The following CFAP70 variants were observed in gnomAD, a reference collection of about 807,000 sequenced individuals.
CFAP70 encodes cilia and flagella associated protein 70, also known as cilia- and flagella-associated protein 70.
In CFAP70, 81 loss-of-function variants were observed where a neutral mutation model predicts 137.6. The ratio of observed to expected loss-of-function variants is 0.59; its 90% CI spans 0.49 to 0.71. The LOEUF (loss-of-function observed/expected upper bound fraction) is 0.71, where lower values mean the gene tolerates loss of function less well. CFAP70 is among the 30% of genes least tolerant of loss of function. The pLI, the probability that CFAP70 is intolerant of heterozygous loss-of-function variation, is 0.00. For synonymous variants in CFAP70, 382 were observed against 423.6 expected (o/e 0.90, Z 1.20); for missense variants, 976 against 1,226.7 (o/e 0.80, Z 3.05).
intron 8 of CFAP70, 30 bp downstream of exon 9, chr10:73,331,147 A>G (rs984568184): frequency 6.0e-6 from 9 of 1,492,306 alleles, no homozygotes; most frequent in Admixed American, 5.3e-5. Flanking sequence ...TACATTTCTT[A>G]TATAAATATT....
At chr10:73,291,586 G>A in intron 18 of CFAP70, 54 bp downstream of exon 19, 1 of 1,544,584 alleles carries the variant, frequency 6.5e-7, no homozygotes, top group Non-Finnish European at 8.8e-7. Flanking sequence ...AAAGGAAAAA[G>A]GGAAAATCTT....
At chr10:73,255,954 CTGTT>C (rs1181648456) in intron 26 of CFAP70, among the ~76,000 whole-genome samples, 2 of 152,322 alleles carry the variant, frequency 1.3e-5, no homozygotes, top group South Asian at 2.1e-4. Flanking sequence ...TTGCAACAGA[CTGTT>C]TGGCCTACAA....
chr10:73,294,295 C>A (rs544302756), intron 15 of CFAP70: 2 of 152,422 alleles, frequency 1.3e-5, no homozygotes, highest in South Asian at 4.1e-4. Flanking sequence ...CCACTGAAAA[C>A]TGCTGACTTT....
chr10:73,321,241 AC>A (rs1478163458), intron 9 of CFAP70, among the ~76,000 whole-genome samples: 1 of 151,874 alleles, frequency 6.6e-6, no homozygotes, highest in African/African-American at 2.4e-5. Flanking sequence ...ACATGGTGAA[AC>A]CTAGTTTCTA....
chr10:73,344,571 C>G (rs2053546890), intron 5 of CFAP70, among the ~76,000 whole-genome samples: 1 of 152,270 alleles, frequency 6.6e-6, no homozygotes, highest in Middle Eastern at 3.4e-3. Flanking sequence ...CATCCACATA[C>G]ATGGCCCTGG....
intron 8 of CFAP70, 40 bp downstream of exon 9, chr10:73,331,137 T>A (rs1317241282): frequency 1.4e-6 from 2 of 1,441,948 alleles, no homozygotes; most frequent in African/African-American, 2.8e-5. Flanking sequence ...GGTCTGATTC[T>A]ACATTTCTTA....
At chr10:73,273,863 T>G (rs570615385) in intron 23 of CFAP70, among the ~76,000 whole-genome samples, 1 of 152,320 alleles carries the variant, frequency 6.6e-6, no homozygotes, top group East Asian at 1.9e-4. Flanking sequence ...TGTTGATAAT[T>G]GTTATAGTGA....
intron 9 of CFAP70, among the ~76,000 whole-genome samples, chr10:73,319,900 A>G (rs2050710100): frequency 6.6e-6 from 1 of 152,202 alleles, no homozygotes; most frequent in Admixed American, 6.5e-5. Context: ...TCTGTTGGCC[A>G]TTGACACTTC....
At chr10:73,323,883 C>T (rs2051122531) in intron 8 of CFAP70, among the ~76,000 whole-genome samples, 1 of 152,236 alleles carries the variant, frequency 6.6e-6, no homozygotes, top group Non-Finnish European at 1.5e-5. Context: ...TCTGTAGGCT[C>T]CACCTCTGGG....
chr10:73,256,491 A>G, intron 25 of CFAP70, 75 bp from the exon 27 acceptor site: 5 of 1,495,520 alleles, frequency 3.3e-6, no homozygotes, highest in Non-Finnish European at 4.6e-6. Context: ...TGCCTCAGCT[A>G]AGGCAGAGGC....
Position 73,323,069 on chromosome 10 carries a change from TGAAACGAAAGCTGAGC to T in CFAP70, c.790_805del (p.Ala264MetfsTer16). The T allele has an allele frequency of 6.2e-7, 1 of 1,612,322 alleles. No individual in the cohort carries two copies. Among genetic ancestry groups the T allele is most frequent in the Non-Finnish European group, 8.5e-7 (1 of 1,179,554 alleles). On this transcript the variant is annotated frameshift_variant, in exon 9 of 27. Transcript: ENST00000310715. LOFTEE classifies it high-confidence loss of function. ...GACCATATTAACATAAGCCACACCA[TGAAACGAAAGCTGAGC>T]TTCTTCATCAGTCTAAAGGAATAAA...
At chr10:73,320,198 T>C (rs1415543416) in intron 9 of CFAP70, among the ~76,000 whole-genome samples, 5 of 152,208 alleles carry the variant, frequency 3.3e-5, no homozygotes, top group Admixed American at 3.3e-4. Context: ...TAGGAAGTTT[T>C]CTCTTAATTC....
chr10:73,357,881 C>T (rs562216361), intron 1 of CFAP70, among the ~76,000 whole-genome samples: 2 of 152,306 alleles, frequency 1.3e-5, no homozygotes, highest in Admixed American at 6.5e-5. Context: ...AAAAACTTGC[C>T]TTTCCTCTGA....
At chr10:73,335,740 G>T (rs1263261304) in intron 6 of CFAP70, among the ~76,000 whole-genome samples, 2 of 151,544 alleles carry the variant, frequency 1.3e-5, no homozygotes, top group African/African-American at 4.8e-5. Context: ...ATATATAATA[G>T]TTACATTGAT....
At chr10:73,306,441 A>AAACAGC (rs1277830376) in intron 12 of CFAP70, among the ~76,000 whole-genome samples, 2 of 152,236 alleles carry the variant, frequency 1.3e-5, no homozygotes, top group Non-Finnish European at 2.9e-5. Context: ...AAAATATCAA[A>AAACAGC]AACAGCAACA....
intron 21 of CFAP70, 31 bp downstream of exon 22, chr10:73,277,209 C>A: frequency 6.3e-7 from 1 of 1,587,568 alleles, no homozygotes; most frequent in Non-Finnish European, 8.6e-7. Flanking sequence ...AAAATCTTTC[C>A]ATCTACTTGC....
rs547693562 is a variant in CFAP70, at chr10:73,273,131, G to A, written c.2836-114C>T. 2.4e-3 allele frequency: 1,945 copies of A among 827,654 alleles called. 39 individuals are homozygous for A. The South Asian group carries it at 0.028, about 12-fold the overall frequency. The allele number at this position is 827,654 out of a possible 1,614,324, so 51.3% of individuals were successfully genotyped here. A position where few individuals can be genotyped will look rare whatever the true frequency, so the allele number is the denominator to read the frequency against. ...CTCCAGAACAATCTAAGTTAAGCAAGTCCTTTAATTGTACTTTGACGTCTA... is the reference window on the plus strand; with the variant it reads ...CTCCAGAACAATCTAAGTTAAGCAAATCCTTTAATTGTACTTTGACGTCTA... On this transcript the variant is annotated intron_variant, in intron 23 of 26. Transcript: ENST00000310715.
intron 9 of CFAP70, among the ~76,000 whole-genome samples, chr10:73,318,947 A>G (rs998583426): frequency 1.3e-5 from 2 of 152,222 alleles, no homozygotes; most frequent in Non-Finnish European, 2.9e-5. Flanking sequence ...GCAGTGAATG[A>G]AAGTTGTTTT....
chr10:73,271,474 T>C (rs933428508), intron 24 of CFAP70, among the ~76,000 whole-genome samples: 1 of 152,154 alleles, frequency 6.6e-6, no homozygotes, highest in African/African-American at 2.4e-5. Flanking sequence ...ATGGCGCCAC[T>C]GCACTCCAGC....
Sources: gnomAD v4.1 joint callset for allele counts (sites outside exome capture counted in the v4.1 genomes callset) on GRCh38, gnomAD v4.1.1 for gene constraint, MANE v1.5 for transcripts, NCBI Gene and HGNC (gene_info 2026-07-23, HGNC 2026-07-21) for gene names.